SLC39A11: variants seen among roughly 807,000 people sequenced by gnomAD.
SLC39A11 encodes solute carrier family 39 member 11.
A neutral mutation model predicts 36.1 loss-of-function variants in SLC39A11; 33 were observed. The observed-to-expected ratio is 0.91, with a 90% confidence interval of 0.69 to 1.22. SLC39A11 has a LOEUF of 1.22. SLC39A11 is among the 50% of genes most tolerant of loss of function. The pLI, the probability that SLC39A11 is intolerant of heterozygous loss-of-function variation, is 0.00. For missense variants in SLC39A11, 432 were observed against 430.3 expected (o/e 1.00, Z -0.03); for synonymous variants, 166 against 170.3 (o/e 0.97, Z 0.20).
chr17:72,698,531 T>C (rs2072431948), intron 7 of SLC39A11, among the ~76,000 whole-genome samples: 2 of 151,514 alleles, frequency 1.3e-5, no homozygotes, highest in South Asian at 4.2e-4. Context: ...ATATGGGGTT[T>C]TATGATTCTA....
At chr17:73,052,789 C>A (rs1009839785) in intron 3 of SLC39A11, among the ~76,000 whole-genome samples, 1 of 152,166 alleles carries the variant, frequency 6.6e-6, no homozygotes, top group African/African-American at 2.4e-5. Flanking sequence ...CAACCTCCAC[C>A]TCCCGGGTTC....
At chr17:72,778,123 T>G (rs989866821) in intron 6 of SLC39A11, among the ~76,000 whole-genome samples, 8 of 152,198 alleles carry the variant, frequency 5.3e-5, no homozygotes, top group African/African-American at 1.9e-4. Context: ...CACACTGGTC[T>G]TGAACTCCTG....
intron 4 of SLC39A11, among the ~76,000 whole-genome samples, chr17:72,971,657 T>A (rs147583566): frequency 6.0e-4 from 91 of 152,354 alleles, no homozygotes; most frequent in Middle Eastern, 3.4e-3. Context: ...AGCTCCTGGC[T>A]GTCCCAGCTG....
At chr17:72,776,860 C>T (rs2076154556) in intron 6 of SLC39A11, among the ~76,000 whole-genome samples, 1 of 152,142 alleles carries the variant, frequency 6.6e-6, no homozygotes, top group Non-Finnish European at 1.5e-5. Context: ...AAATCGAATC[C>T]CCACCCCTCA....
intron 6 of SLC39A11, among the ~76,000 whole-genome samples, chr17:72,777,025 G>T (rs942778668): frequency 6.6e-6 from 1 of 152,172 alleles, no homozygotes; most frequent in Admixed American, 6.5e-5. Context: ...GGGGGGCCGT[G>T]AGGATTGGCT....
At chr17:72,875,725 T>C (rs1319018855) in intron 5 of SLC39A11, among the ~76,000 whole-genome samples, 2 of 152,196 alleles carry the variant, frequency 1.3e-5, no homozygotes, top group African/African-American at 4.8e-5. Flanking sequence ...TTCTTTCTTT[T>C]CCCTTAGAGC....
chr17:72,956,865 C>A (rs1237566220), intron 4 of SLC39A11, among the ~76,000 whole-genome samples: 15 of 152,162 alleles, frequency 9.9e-5, no homozygotes, highest in Admixed American at 5.9e-4. Flanking sequence ...TAGCAAAACA[C>A]CCCAAAACTT....
rs1468497971 is a variant in SLC39A11 at position 72,754,039 on chromosome 17, T to TACAC, written c.602-17321_602-17320insGTGT. On this transcript the variant is annotated intron_variant, in intron 6 of 9. Transcript: ENST00000255559. ...ATATATGTATATATATATATATATA[T>TACAC]ATATATACACATACACACACACACA... 7.7e-3 allele frequency among the ~76,000 whole-genome samples: 843 copies of TACAC among 109,202 alleles called. 2 individuals carry two copies. The highest frequency in any genetic ancestry group is 0.013 in the Middle Eastern group (3 of 226). 71.6% of individuals were successfully genotyped at this position (109,202 alleles called of 152,430 possible).
intron 4 of SLC39A11, among the ~76,000 whole-genome samples, chr17:72,954,889 G>C (rs935764859): frequency 1.3e-5 from 2 of 152,208 alleles, no homozygotes; most frequent in African/African-American, 4.8e-5. Flanking sequence ...CCTGCCTCGG[G>C]TGTCAGGCAG....
chr17:72,720,962 C>G (rs1288568098), intron 7 of SLC39A11, among the ~76,000 whole-genome samples: 1 of 152,116 alleles, frequency 6.6e-6, no homozygotes, highest in Non-Finnish European at 1.5e-5. Flanking sequence ...CCCACTCCCC[C>G]AGGCTCTCCC....
chr17:72,792,854 T>G (rs1252831149), intron 6 of SLC39A11, among the ~76,000 whole-genome samples: 1 of 152,184 alleles, frequency 6.6e-6, no homozygotes, highest in Non-Finnish European at 1.5e-5. Context: ...CACTGCCCAT[T>G]GTGCGCAGCA....
In SLC39A11 at chr17:72,649,203, C is replaced by G. The variant is rs150096159; in HGVS notation, c.737G>C (p.Arg246Pro). 1.9e-6 allele frequency: 3 copies of G among 1,614,184 alleles called. No individual in the cohort carries two copies. The Admixed American group carries it at 5.0e-5, about 27-fold the overall frequency. Residue 246 changes from arginine (R) to proline (P), a missense_variant, in exon 8 of 10, where the codon CGA (arginine) becomes CCA (proline). By Grantham distance (103) the Arg-to-Pro change is moderately radical. Transcript: ENST00000255559. ...PEGLAVSLPL[R>P]GAGFSTWRAF... ...TCTCCAGGTGGAGAAGCCTGCCCCT[C>G]GCAAGGGAAGGCTGACAGCCAGGCC...
intron 3 of SLC39A11, among the ~76,000 whole-genome samples, chr17:73,062,956 T>C (rs886325676): frequency 6.6e-6 from 1 of 152,030 alleles, no homozygotes; most frequent in African/African-American, 2.4e-5. Flanking sequence ...AGATGAAGCT[T>C]TGCTCACTCA....
chr17:72,852,460 C>T (rs2079405476), intron 5 of SLC39A11, among the ~76,000 whole-genome samples: 1 of 152,072 alleles, frequency 6.6e-6, no homozygotes, highest in Admixed American at 6.5e-5. Flanking sequence ...ACATAACCAG[C>T]CTGTGGAGAA....
intron 4 of SLC39A11, among the ~76,000 whole-genome samples, chr17:73,016,320 A>G (rs1029300698): frequency 7.3e-5 from 11 of 150,620 alleles, no homozygotes; most frequent in African/African-American, 2.7e-4. Context: ...CTCAGGGTGA[A>G]GAAGTATCAG....
At chr17:73,031,756 A>G (rs1464064868) in intron 3 of SLC39A11, 42 bp from the exon 4 acceptor site, 1 of 1,602,556 alleles carries the variant, frequency 6.2e-7, no homozygotes, top group Admixed American at 1.7e-5. Context: ...AAGCAACTGC[A>G]GAAGGCTTTC....
chr17:73,043,979 C>A (rs2059189888), intron 3 of SLC39A11, among the ~76,000 whole-genome samples: 1 of 152,124 alleles, frequency 6.6e-6, no homozygotes, highest in African/African-American at 2.4e-5. Context: ...CAGAATTAAA[C>A]CCAACGGCTC....
intron 5 of SLC39A11, among the ~76,000 whole-genome samples, chr17:72,872,396 C>G (rs777205683): frequency 6.6e-6 from 1 of 152,108 alleles, no homozygotes; most frequent in African/African-American, 2.4e-5. Context: ...TTCTCAGATT[C>G]GACAGACGGG....
chr17:73,077,642 G>T lies in SLC39A11; in HGVS notation c.147+7166C>A, dbSNP rs1237617908. ...CGCATCTGGCTCAAGGACAATTTTA[G>T]AAAAGTAAATCATTTCTTTCTGATA... On this transcript the variant is annotated intron_variant, in intron 3 of 9. Transcript: ENST00000255559. Among the ~76,000 whole-genome samples, 3 of 152,240 alleles carry T rather than the reference G, an allele frequency of 2.0e-5. No homozygotes were observed. The East Asian group carries it at 5.8e-4, about 29-fold the overall frequency.
Sources: allele counts gnomAD v4.1 joint callset (sites outside exome capture counted in the v4.1 genomes callset), GRCh38; gene constraint gnomAD v4.1.1; transcripts MANE v1.5; gene names NCBI Gene and HGNC (gene_info 2026-07-23, HGNC 2026-07-21).